Variants in TFCP2L1 observed in about 807,000 individuals in gnomAD.
The protein encoded by TFCP2L1 is transcription factor CP2 like 1.
Under a neutral mutation model 72.2 loss-of-function variants are expected in TFCP2L1, and 12 were observed. The ratio of observed to expected loss-of-function variants is 0.17; its 90% CI spans 0.11 to 0.27. The LOEUF (loss-of-function observed/expected upper bound fraction) is 0.27, where lower values mean the gene tolerates loss of function less well. Among genes scored for constraint, TFCP2L1 ranks in the 10% least tolerant of loss-of-function variants. The probability of loss-of-function intolerance (pLI) is 1.00; values close to 1 mark genes in which losing one functional copy is unlikely to be tolerated. For synonymous variants in TFCP2L1, 260 were observed against 251.0 expected (o/e 1.04, Z -0.34); for missense variants, 488 against 624.6 (o/e 0.78, Z 2.33).
chr2:121,263,394 A>G (rs913646079), intron 2 of TFCP2L1, among the ~76,000 whole-genome samples: 17 of 151,704 alleles, frequency 1.1e-4, no homozygotes, highest in Admixed American at 6.6e-4. Context: ...TTAACCTAAT[A>G]TAACGGTTCT....
At chr2:121,242,000 G>A (rs1686379515) in intron 7 of TFCP2L1, among the ~76,000 whole-genome samples, 1 of 149,688 alleles carries the variant, frequency 6.7e-6, no homozygotes, top group Non-Finnish European at 1.5e-5. Context: ...CCATGAAGCT[G>A]GGATGGCACT....
intron 12 of TFCP2L1, among the ~76,000 whole-genome samples, chr2:121,232,820 A>T (rs2104669483): frequency 6.6e-6 from 1 of 152,302 alleles, no homozygotes; most frequent in African/African-American, 2.4e-5. Context: ...AAGTGGGAAG[A>T]AAACAGTGAC....
intron 2 of TFCP2L1, among the ~76,000 whole-genome samples, chr2:121,251,299 T>G (rs1686608405): frequency 6.6e-6 from 1 of 152,118 alleles, no homozygotes; most frequent in Admixed American, 6.6e-5. Context: ...GTGTACCTTG[T>G]GCCAGCATCC....
chr2:121,275,287 T>G (rs1687123842), intron 2 of TFCP2L1, among the ~76,000 whole-genome samples: 1 of 147,566 alleles, frequency 6.8e-6, no homozygotes, highest in African/African-American at 2.5e-5. Context: ...TAGTCCCAGC[T>G]ACTTGGGAGG....
intron 13 of TFCP2L1, among the ~76,000 whole-genome samples, chr2:121,229,930 G>A (rs1686107009): frequency 6.6e-6 from 1 of 152,212 alleles, no homozygotes; most frequent in Non-Finnish European, 1.5e-5. Flanking sequence ...ACTCTTGGCA[G>A]CATCACCAGC....
At position 121,217,143 on chromosome 2, in the gene TFCP2L1, G is replaced by A. The variant is rs976433633; in HGVS notation, c.*7198C>T. ...GACACCAGGAAGCTCAACCTGGCTC[G>A]GGCCATCAGTAGCTGTGGGACCCTG... is the stretch of plus-strand genomic sequence containing the variant. On this transcript the variant is annotated 3_prime_UTR_variant, in exon 15 of 15. Coordinates refer to ENST00000263707, the MANE Select transcript of TFCP2L1 (RefSeq NM_014553.3). 2.6e-5 allele frequency: 4 copies of A among 152,242 alleles called. No individual in the cohort carries two copies. The highest frequency in any genetic ancestry group is 7.2e-5 in the African/African-American group (3 of 41,456). The allele number at this position is 152,242 out of a possible 1,614,324, so 9.4% of individuals were successfully genotyped here.
chr2:121,239,581 T>A lies in TFCP2L1; in HGVS notation c.837A>T (p.Pro279=), dbSNP rs751441461. ...ACCCTTCGCCGAGGCCAAAGCTGTTTGGAGAACCATTGTAGCTTGGGGACG... is the reference window on the plus strand; with the variant it reads ...ACCCTTCGCCGAGGCCAAAGCTGTTAGGAGAACCATTGTAGCTTGGGGACG... The part of the protein sequence containing the change: ...SAPSPSYNGS[P]NSFGLGEGNA... Residue 279 remains proline, a synonymous_variant, in exon 8 of 15, where the codon CCA becomes CCT. Coordinates refer to ENST00000263707, the MANE Select transcript of TFCP2L1 (RefSeq NM_014553.3). 6.2e-7 allele frequency: 1 copy of A among 1,614,214 alleles called. No homozygotes were observed. The highest frequency in any genetic ancestry group is 1.3e-5 in the African/African-American group (1 of 75,058).
In TFCP2L1 at chr2:121,248,236, C is replaced by A. The variant is rs1167765566; in HGVS notation, c.432G>T (p.Arg144Ser). 5.6e-5 allele frequency: 90 copies of A among 1,613,900 alleles called. No homozygotes were observed. The highest frequency in any genetic ancestry group is 7.5e-5 in the Non-Finnish European group (89 of 1,180,002). The change falls in exon 5 of 15, where the codon AGG (arginine) becomes AGT (serine). Residue 144 changes from arginine (R) to serine (S), a missense_variant. This residue lies in a region of TFCP2L1 where 129 missense variants were observed against 236.0 expected (regional missense o/e 0.55). Transcript: ENST00000263707. Reference protein sequence around the residue: ...IPLSVGILDPRASPTQLNAVE... With the variant: ...IPLSVGILDPSASPTQLNAVE... Reference sequence around the variant, plus strand: ...CTGCATTCAGCTGGGTCGGGCTGGCCCTGGGGTCCAAGATACCAACAGACA... The same window carrying A: ...CTGCATTCAGCTGGGTCGGGCTGGCACTGGGGTCCAAGATACCAACAGACA...
rs189066928 is a variant in TFCP2L1 at position 121,252,642 on chromosome 2, G to A, written c.215-2995C>T. ...GCAGAGACTGCTGTGACAGGGTCAC[G>A]AGTCAAGGAAGCCTGGGGCCACCAA... is the stretch of plus-strand genomic sequence containing the variant. On this transcript the variant is annotated intron_variant, in intron 2 of 14. Coordinates refer to ENST00000263707, the MANE Select transcript of TFCP2L1 (RefSeq NM_014553.3). Among the ~76,000 whole-genome samples the A allele has an allele frequency of 1.1e-3, 170 of 152,248 alleles. 1 individual carries two copies. The highest frequency in any genetic ancestry group is 3.8e-3 in the African/African-American group (157 of 41,552).
intron 13 of TFCP2L1, among the ~76,000 whole-genome samples, chr2:121,228,800 C>T (rs923428536): frequency 4.3e-5 from 6 of 140,738 alleles, no homozygotes; most frequent in African/African-American, 1.5e-4. Flanking sequence ...AAAAAAAGCT[C>T]GCTTAGATTT....
intron 2 of TFCP2L1, among the ~76,000 whole-genome samples, chr2:121,267,788 G>A (rs1481403419): frequency 6.6e-6 from 1 of 152,104 alleles, no homozygotes; most frequent in African/African-American, 2.4e-5. Flanking sequence ...GAGCCACAAC[G>A]CCCAGCCCTA....
chr2:121,258,468 C>T (rs1446961331), intron 2 of TFCP2L1, among the ~76,000 whole-genome samples: 1 of 152,220 alleles, frequency 6.6e-6, no homozygotes, highest in Non-Finnish European at 1.5e-5. Context: ...ACTACTAAAC[C>T]TTGGGGCCAC....
At chr2:121,250,305 T>C (rs1488641020) in intron 2 of TFCP2L1, among the ~76,000 whole-genome samples, 3 of 151,886 alleles carry the variant, frequency 2.0e-5, no homozygotes, top group South Asian at 4.2e-4. Flanking sequence ...ATATAAAATA[T>C]ACCATGAATA....
intron 10 of TFCP2L1, 118 bp downstream of exon 10, chr2:121,237,505 G>T: frequency 1.7e-6 from 2 of 1,181,080 alleles, no homozygotes; most frequent in Non-Finnish European, 2.4e-6. Context: ...ACACTATCTC[G>T]GGTCTCCCAG....
At chr2:121,267,187 G>A (rs965182380) in intron 2 of TFCP2L1, among the ~76,000 whole-genome samples, 1 of 151,986 alleles carries the variant, frequency 6.6e-6, no homozygotes, top group Non-Finnish European at 1.5e-5. Context: ...CAAAGTCCTG[G>A]GATTACAAGC....
chr2:121,239,485 A>G (rs1686318230), intron 8 of TFCP2L1, 73 bp downstream of exon 8: 1 of 1,539,836 alleles, frequency 6.5e-7, no homozygotes, highest in Non-Finnish European at 9.0e-7. Context: ...GGAGACCCAG[A>G]AAGGAAGACT....
At chr2:121,278,029 CT>C (rs530823906) in intron 2 of TFCP2L1, among the ~76,000 whole-genome samples, 54,164 of 122,178 alleles carry the variant, frequency 0.44, 9,271 homozygotes, top group East Asian at 0.56. Context: ...CTTTTTCTCT[CT>C]TTTTTTTTTT....
intron 13 of TFCP2L1, among the ~76,000 whole-genome samples, chr2:121,231,407 C>T (rs1224014302): frequency 1.3e-5 from 2 of 152,252 alleles, no homozygotes; most frequent in African/African-American, 4.8e-5. Flanking sequence ...GGCACCTTCA[C>T]CACTTGGCAG....
chr2:121,232,593 G>A (rs1686167332), intron 12 of TFCP2L1, among the ~76,000 whole-genome samples: 1 of 152,198 alleles, frequency 6.6e-6, no homozygotes, highest in African/African-American at 2.4e-5. Context: ...CACATCAGAA[G>A]GAAGCAACAA....
Sources: gnomAD v4.1 joint callset for allele counts (sites outside exome capture counted in the v4.1 genomes callset) on GRCh38, gnomAD v4.1.1 for gene constraint, gnomAD v4.1.1 regional missense constraint, MANE v1.5 for transcripts, NCBI Gene and HGNC (gene_info 2026-07-23, HGNC 2026-07-21) for gene names.